SLC30A9: variants seen among roughly 807,000 people sequenced by gnomAD.
SLC30A9 encodes the protein proton-coupled zinc antiporter SLC30A9, mitochondrial.
In SLC30A9, 58 loss-of-function variants were observed where a neutral mutation model predicts 87.5. The observed-to-expected ratio is 0.66, with a 90% CI of 0.54 to 0.82. The LOEUF (loss-of-function observed/expected upper bound fraction) is 0.82. SLC30A9 is among the 40% of genes least tolerant of loss of function. The pLI is 0.00. For synonymous variants in SLC30A9, 234 were observed against 233.0 expected (o/e 1.00, Z -0.04); for missense variants, 557 against 679.1 (o/e 0.82, Z 2.00).
intron 1 of SLC30A9, among the ~76,000 whole-genome samples, chr4:41,991,160 G>A (rs984943425): frequency 2.6e-5 from 4 of 152,256 alleles, no homozygotes; most frequent in African/African-American, 9.6e-5. Context: ...TTAGCACTTG[G>A]TTGAGATTTT....
At chr4:42,016,535 T>C (rs1174978676) in intron 2 of SLC30A9, among the ~76,000 whole-genome samples, 2 of 152,188 alleles carry the variant, frequency 1.3e-5, no homozygotes, top group Non-Finnish European at 2.9e-5. Context: ...GATAGCTTAT[T>C]GTATATATTC....
chr4:42,055,133 G>C (rs1017008983), intron 9 of SLC30A9, among the ~76,000 whole-genome samples: 1 of 152,042 alleles, frequency 6.6e-6, no homozygotes, highest in African/African-American at 2.4e-5. Flanking sequence ...AGACCAGCCT[G>C]ACCAACATGG....
intron 6 of SLC30A9, among the ~76,000 whole-genome samples, chr4:42,026,195 A>G (rs986931948): frequency 2.0e-5 from 3 of 152,208 alleles, no homozygotes; most frequent in Admixed American, 1.3e-4. Context: ...TTTACTTTCA[A>G]TGGAAGAAAT....
intron 2 of SLC30A9, among the ~76,000 whole-genome samples, chr4:42,016,495 T>TA (rs1353652425): frequency 6.6e-6 from 1 of 152,144 alleles, no homozygotes; most frequent in African/African-American, 2.4e-5. Flanking sequence ...CCCTGATTAT[T>TA]TACTTTTGCT....
At chr4:41,996,123 T>G (rs1352023255) in intron 1 of SLC30A9, among the ~76,000 whole-genome samples, 1 of 151,926 alleles carries the variant, frequency 6.6e-6, no homozygotes, top group East Asian at 2.0e-4. Flanking sequence ...TGAGATGGAG[T>G]TTTGCTCTTG....
intron 2 of SLC30A9, among the ~76,000 whole-genome samples, chr4:42,005,496 A>G (rs1715163521): frequency 6.6e-6 from 1 of 152,206 alleles, no homozygotes; most frequent in Non-Finnish European, 1.5e-5. Flanking sequence ...TTTCTAGTTC[A>G]TAGTGATCCC....
chr4:42,075,059 A>ATATATATATATATT (rs1718493085), intron 15 of SLC30A9, among the ~76,000 whole-genome samples: 1 of 32,296 alleles, frequency 3.1e-5, no homozygotes. Flanking sequence ...ATATATATAT[A>ATATATATATATATT]TTTTTTTTTT....
In SLC30A9 at chr4:42,005,907, A is replaced by G. The variant is rs180750429; in HGVS notation, c.274+4127A>G. Among the ~76,000 whole-genome samples the G allele has an allele frequency of 2.0e-5, 3 of 152,328 alleles. No homozygotes were observed. In the East Asian group the frequency reaches 5.8e-4, roughly 29 times the overall value. ...TGATTACTAAAGCAGAAAATTAAGCAAACAAATATTGTATTGTAACATTTA... is the reference window on the plus strand; with the variant it reads ...TGATTACTAAAGCAGAAAATTAAGCGAACAAATATTGTATTGTAACATTTA... On this transcript the variant is annotated intron_variant, in intron 2 of 17. Coordinates refer to ENST00000264451, the MANE Select transcript of SLC30A9 (RefSeq NM_006345.4).
At chr4:42,041,466 G>T (rs1940588474) in intron 8 of SLC30A9, among the ~76,000 whole-genome samples, 1 of 152,140 alleles carries the variant, frequency 6.6e-6, no homozygotes, top group South Asian at 2.1e-4. Context: ...CCTGGTACAG[G>T]CACACACCTG....
At chr4:42,006,225 G>A (rs1715194187) in intron 2 of SLC30A9, among the ~76,000 whole-genome samples, 1 of 152,178 alleles carries the variant, frequency 6.6e-6, no homozygotes, top group Admixed American at 6.5e-5. Flanking sequence ...GGTATCTACA[G>A]GGAGGTCCTG....
chr4:41,991,285 T>C (rs1184399558), intron 1 of SLC30A9, among the ~76,000 whole-genome samples: 2 of 152,248 alleles, frequency 1.3e-5, no homozygotes, highest in Non-Finnish European at 2.9e-5. Flanking sequence ...CCGACAATCA[T>C]TGAATGAACC....
At chr4:42,055,323 G>GACT (rs1717559331) in intron 9 of SLC30A9, among the ~76,000 whole-genome samples, 1 of 152,136 alleles carries the variant, frequency 6.6e-6, no homozygotes, top group Admixed American at 6.5e-5. Flanking sequence ...CTTCTTGAGA[G>GACT]ACTTAAGTAC....
At chr4:42,080,376 A>C (rs1157255428) in intron 17 of SLC30A9, among the ~76,000 whole-genome samples, 1 of 152,226 alleles carries the variant, frequency 6.6e-6, no homozygotes, top group Non-Finnish European at 1.5e-5. Context: ...ATACTGCTTG[A>C]AATCAGCCAA....
chr4:42,009,649 C>T (rs533648045), intron 2 of SLC30A9, among the ~76,000 whole-genome samples: 1 of 152,302 alleles, frequency 6.6e-6, no homozygotes, highest in Admixed American at 6.5e-5. Context: ...AATAAGTATT[C>T]ATACATGTGT....
At chr4:41,998,084 G>A (rs1714802422) in intron 1 of SLC30A9, among the ~76,000 whole-genome samples, 1 of 152,242 alleles carries the variant, frequency 6.6e-6, no homozygotes, top group Non-Finnish European at 1.5e-5. Flanking sequence ...GCCTAAAAAT[G>A]ATGGCCAGAT....
intron 8 of SLC30A9, among the ~76,000 whole-genome samples, chr4:42,045,393 C>A (rs1717106193): frequency 6.6e-6 from 1 of 152,040 alleles, no homozygotes; most frequent in Non-Finnish European, 1.5e-5. Context: ...CACCACTGAT[C>A]CCACAGAAAT....
chr4:42,017,375 GTT>G (rs61558035), intron 2 of SLC30A9, among the ~76,000 whole-genome samples: 84,833 of 138,544 alleles, frequency 0.61, 29,480 homozygotes, highest in East Asian at 0.94. Context: ...TTTTTTCTCT[GTT>G]TTTTTTTTTT....
chr4:42,053,861 G>T (rs957365333), intron 9 of SLC30A9, among the ~76,000 whole-genome samples: 1 of 152,042 alleles, frequency 6.6e-6, no homozygotes, highest in Non-Finnish European at 1.5e-5. Flanking sequence ...AGGGAATGAA[G>T]TACTTTTCTG....
At chr4:42,062,884 C>T (rs1366489966) in intron 10 of SLC30A9, 102 bp from the exon 11 acceptor site, 2 of 943,970 alleles carry the variant, frequency 2.1e-6, no homozygotes, top group Admixed American at 2.6e-5. Context: ...AAAATTATAA[C>T]ATCTTGATAT....
Sources: allele counts gnomAD v4.1 joint callset (sites outside exome capture counted in the v4.1 genomes callset), GRCh38; gene constraint gnomAD v4.1.1; transcripts MANE v1.5; gene names NCBI Gene and HGNC (gene_info 2026-07-23, HGNC 2026-07-21).